The following GSG1L variants were observed in gnomAD, a reference collection of about 807,000 sequenced individuals.
The protein encoded by GSG1L is germ cell-specific gene 1-like protein.
In GSG1L, 24 loss-of-function variants were observed where a neutral mutation model predicts 42.1. The observed-to-expected ratio is 0.57, with a 90% confidence interval of 0.41 to 0.80. GSG1L has a LOEUF of 0.80. Ranked by LOEUF, GSG1L falls within the 30% of genes least tolerant of loss-of-function variation. The pLI, the probability that GSG1L is intolerant of heterozygous loss-of-function variation, is 0.00. For missense variants in GSG1L, 445 were observed against 472.2 expected, an observed-to-expected ratio of 0.94 and a Z score of 0.53; for synonymous variants, 215 against 203.5, an observed-to-expected ratio of 1.06 and a Z score of -0.48.
chr16:27,845,114 C>T (rs1199874907), intron 3 of GSG1L, 53 bp from the exon 4 acceptor site: 7 of 1,159,374 alleles, frequency 6.0e-6, no homozygotes, highest in Non-Finnish European at 8.8e-6. Context: ...GGGCTTTGTC[C>T]CCACACACCC....
rs1406234406 is a variant in GSG1L, at chr16:28,063,581, C to T, written c.-157G>A. On this transcript the variant is annotated 5_prime_UTR_variant, in exon 1 of 7. Transcript: ENST00000447459. The surrounding 1 kb of genome is among the most constrained non-coding windows in gnomAD (Gnocchi z 5.8). ...GACGCGGCGCGGGCCCATGCCCCCC[C>T]CAACCCCGGGGTGGGGGCGCGGCGC... 2 of 220,976 alleles carry T rather than the reference C, an allele frequency of 9.1e-6. No individual in the cohort carries two copies. Among genetic ancestry groups the T allele is most frequent in the African/African-American group, 2.4e-5 (1 of 41,956 alleles). 13.7% of individuals were successfully genotyped at this position (220,976 alleles called of 1,614,324 possible).
At chr16:27,943,706 C>T (rs1274999891) in intron 2 of GSG1L, among the ~76,000 whole-genome samples, 1 of 150,082 alleles carries the variant, frequency 6.7e-6, no homozygotes, top group Non-Finnish European at 1.5e-5. Context: ...TCTCAAGTAG[C>T]TGGAACTACA....
At chr16:27,977,086 G>A (rs564826313) in intron 1 of GSG1L, among the ~76,000 whole-genome samples, 14 of 152,058 alleles carry the variant, frequency 9.2e-5, no homozygotes, top group Non-Finnish European at 1.6e-4. Flanking sequence ...CAAGCCCCAC[G>A]CAAAGGACTT....
intron 2 of GSG1L, among the ~76,000 whole-genome samples, chr16:27,890,832 A>G (rs1005169868): frequency 6.6e-6 from 1 of 152,170 alleles, no homozygotes; most frequent in Non-Finnish European, 1.5e-5. Context: ...AGGTAGTTGG[A>G]GTCAACAGGA....
chr16:27,855,573 A>G (rs2083567348), intron 3 of GSG1L, among the ~76,000 whole-genome samples: 1 of 151,980 alleles, frequency 6.6e-6, no homozygotes, highest in Non-Finnish European at 1.5e-5. Context: ...TACAAATATT[A>G]GCCAGGTGTG....
chr16:27,904,142 A>G (rs975317795), intron 2 of GSG1L, among the ~76,000 whole-genome samples: 19 of 151,894 alleles, frequency 1.3e-4, no homozygotes, highest in African/African-American at 4.6e-4. Flanking sequence ...TGAATTGTTC[A>G]CTGTAACCTT....
intron 2 of GSG1L, among the ~76,000 whole-genome samples, chr16:27,957,699 C>T (rs971346505): frequency 4.6e-5 from 7 of 152,192 alleles, no homozygotes; most frequent in Admixed American, 1.3e-4. Context: ...TGTCAATATA[C>T]GTGATAGTCC....
intron 1 of GSG1L, among the ~76,000 whole-genome samples, chr16:27,980,909 A>C (rs1007063966): frequency 8.6e-5 from 13 of 151,544 alleles, no homozygotes; most frequent in African/African-American, 3.1e-4. Context: ...AACAAAAAAA[A>C]AAAAAAAAGA....
At chr16:28,024,670 A>T (rs949380958) in intron 1 of GSG1L, among the ~76,000 whole-genome samples, 7 of 152,186 alleles carry the variant, frequency 4.6e-5, no homozygotes, top group Admixed American at 4.6e-4. Context: ...AGGTGACCTT[A>T]AACAAGTTTC....
rs1167944175 is a variant in GSG1L, at chr16:28,063,710, C to G, written c.-286G>C. Among the ~76,000 whole-genome samples the G allele has an allele frequency of 6.6e-6, 1 of 150,572 alleles. No individual in the cohort carries two copies. The highest frequency in any genetic ancestry group is 1.5e-5 in the Non-Finnish European group (1 of 67,436). On this transcript the variant is annotated 5_prime_UTR_variant, in exon 1 of 7. Transcript: ENST00000447459. This position sits in a 1 kb window ranked among gnomAD's most constrained non-coding sequence, Gnocchi z 5.8. ...GTGCACCTCGGCTAGGAGCCGCTGG[C>G]GCCTGGCAGCGGCCACGGCGCAGGG...
Position 27,876,691 on chromosome 16 carries a change from T to C in GSG1L, c.550+7795A>G, listed in dbSNP as rs531803188. ...GAGTGAAGTTGGTATGCTTTGCCCCTTGGCCCCCAGGCCTCCAGGTCCCCA... is the reference window on the plus strand; with the variant it reads ...GAGTGAAGTTGGTATGCTTTGCCCCCTGGCCCCCAGGCCTCCAGGTCCCCA... On this transcript the variant is annotated intron_variant, in intron 3 of 6. Transcript: ENST00000447459. Among the ~76,000 whole-genome samples, 204 of 152,276 alleles carry C rather than the reference T, an allele frequency of 1.3e-3. 1 individual carries two copies. Among genetic ancestry groups the C allele is most frequent in the African/African-American group, 4.5e-3 (189 of 41,566 alleles).
At chr16:27,836,007 C>T (rs1330637940) in intron 4 of GSG1L, among the ~76,000 whole-genome samples, 2 of 152,078 alleles carry the variant, frequency 1.3e-5, no homozygotes, top group African/African-American at 4.8e-5. Flanking sequence ...TCCCTTTAGC[C>T]TTTCTTTTAG....
At chr16:28,031,217 G>A (rs2085958636) in intron 1 of GSG1L, among the ~76,000 whole-genome samples, 2 of 116,784 alleles carry the variant, frequency 1.7e-5, no homozygotes, top group African/African-American at 5.9e-5. Flanking sequence ...GGATGAGATG[G>A]AATAGGATGG....
chr16:27,974,979 G>C (rs1432209752), intron 1 of GSG1L, among the ~76,000 whole-genome samples: 9 of 152,124 alleles, frequency 5.9e-5, no homozygotes, highest in Non-Finnish European at 1.3e-4. Flanking sequence ...GGAGGGAAAG[G>C]AGCCTGGAAG....
intron 3 of GSG1L, among the ~76,000 whole-genome samples, chr16:27,877,833 C>A (rs1357198845): frequency 6.6e-6 from 1 of 152,136 alleles, no homozygotes; most frequent in Non-Finnish European, 1.5e-5. Flanking sequence ...TCAAAGGCAG[C>A]TAGGAATAAT....
intron 1 of GSG1L, among the ~76,000 whole-genome samples, chr16:28,056,220 C>A (rs562368172): frequency 6.6e-6 from 1 of 152,146 alleles, no homozygotes; most frequent in South Asian, 2.1e-4. Context: ...GGAACCAACT[C>A]AAATGTCCAA....
chr16:27,976,231 A>G (rs1009300285), intron 1 of GSG1L, among the ~76,000 whole-genome samples: 1 of 152,136 alleles, frequency 6.6e-6, no homozygotes, highest in Non-Finnish European at 1.5e-5. Context: ...GCCAAGATTG[A>G]GCCATTGCAC....
intron 2 of GSG1L, among the ~76,000 whole-genome samples, chr16:27,947,511 G>GA (rs1596637725): frequency 2.8e-5 from 4 of 141,178 alleles, no homozygotes; most frequent in African/African-American, 1.0e-4. Flanking sequence ...AAGAAAGAAG[G>GA]AAAGAAAGAA....
intron 3 of GSG1L, among the ~76,000 whole-genome samples, chr16:27,877,715 C>T (rs1189689637): frequency 6.6e-6 from 1 of 152,186 alleles, no homozygotes; most frequent in African/African-American, 2.4e-5. Flanking sequence ...AAACCCCAGC[C>T]CCTGGGCCCC....
Sources: gnomAD v4.1 joint callset for allele counts (sites outside exome capture counted in the v4.1 genomes callset) on GRCh38, gnomAD v4.1.1 for gene constraint, Gnocchi (gnomAD v3.1) non-coding constraint, MANE v1.5 for transcripts, NCBI Gene and HGNC (gene_info 2026-07-23, HGNC 2026-07-21) for gene names.